The following ANKRD30B variants were observed in gnomAD, a reference collection of about 807,000 sequenced individuals.
The protein encoded by ANKRD30B is ankyrin repeat domain 30B.
In ANKRD30B, 144 loss-of-function variants were observed where a neutral mutation model predicts 202.2. The ratio of observed to expected loss-of-function variants is 0.71; its 90% CI spans 0.62 to 0.82. The LOEUF is 0.82. ANKRD30B is among the 40% of genes least tolerant of loss of function. The probability of loss-of-function intolerance (pLI) is 0.00; values close to 1 mark genes in which losing one functional copy is unlikely to be tolerated. For missense variants in ANKRD30B, 1,487 were observed against 1,669.1 expected (o/e 0.89, Z 1.90); for synonymous variants, 508 against 561.3 (o/e 0.91, Z 1.34).
chr18:14,808,121 G>C (rs1209794210), intron 24 of ANKRD30B, among the ~76,000 whole-genome samples: 1 of 150,526 alleles, frequency 6.6e-6, no homozygotes, highest in Non-Finnish European at 1.5e-5. Flanking sequence ...GCAGTATATT[G>C]ACATAAGAGA....
chr18:14,798,994 C>A (rs1269625883), intron 20 of ANKRD30B, 107 bp from the exon 21 acceptor site: 9 of 1,182,802 alleles, frequency 7.6e-6, no homozygotes, highest in Non-Finnish European at 1.1e-5. Flanking sequence ...AATCCCTTTT[C>A]AATCCAAGCA....
At position 14,778,003 on chromosome 18, in the gene ANKRD30B, G is replaced by T; in HGVS notation, c.1348G>T (p.Ala450Ser). ...LATKIISKSA[A>S]QNYTCLPDAT... Reference sequence around the variant, plus strand: ...TTAACAGATTATCTCTAAGAGTGCTGCACAGAATTATACGTGTTTACCTGA... The same window carrying T: ...TTAACAGATTATCTCTAAGAGTGCTTCACAGAATTATACGTGTTTACCTGA... Residue 450 changes from alanine (A) to serine (S), a missense_variant, in exon 10 of 44, where the codon GCA becomes TCA. Ala to Ser is a moderately conservative substitution (Grantham distance 99, BLOSUM62 1). Coordinates refer to ENST00000690538, the MANE Select transcript of ANKRD30B (RefSeq NM_001367607.2). 6.5e-7 allele frequency: 1 copy of T among 1,547,288 alleles called. No individual in the cohort carries two copies.
intron 7 of ANKRD30B, among the ~76,000 whole-genome samples, chr18:14,766,162 T>C (rs1916101200): frequency 6.6e-6 from 1 of 151,966 alleles, no homozygotes; most frequent in Non-Finnish European, 1.5e-5. Flanking sequence ...GCATTTACAA[T>C]GCTCATGGGG....
At chr18:14,922,574 G>A in the ANKRD30B span, among the ~76,000 whole-genome samples, 1 of 148,864 alleles carries the variant, frequency 6.7e-6, no homozygotes, top group East Asian at 2.0e-4. Context: ...AGAATGGAGT[G>A]AACCTGGGAG....
chr18:14,934,908 C>CCACACA, the ANKRD30B span, among the ~76,000 whole-genome samples: 1,883 of 134,620 alleles, frequency 0.014, 37 homozygotes, highest in African/African-American at 0.036. Context: ...CCTCCCTCTA[C>CCACACA]CACACACACA....
chr18:14,832,224 G>A (rs930147512), intron 34 of ANKRD30B, among the ~76,000 whole-genome samples: 1 of 152,142 alleles, frequency 6.6e-6, no homozygotes, highest in Non-Finnish European at 1.5e-5. Flanking sequence ...TAGAAATTTA[G>A]AAATGTAAAT....
At chr18:14,821,852 A>C (rs1360733716) in intron 30 of ANKRD30B, among the ~76,000 whole-genome samples, 3 of 152,222 alleles carry the variant, frequency 2.0e-5, no homozygotes, top group Non-Finnish European at 2.9e-5. Flanking sequence ...AGAAATATAA[A>C]AATACTCGTA....
intron 36 of ANKRD30B, among the ~76,000 whole-genome samples, chr18:14,838,575 A>G (rs1418627283): frequency 2.6e-5 from 4 of 152,212 alleles, no homozygotes; most frequent in Non-Finnish European, 4.4e-5. Flanking sequence ...TTGCAGCCAC[A>G]TAGGTATCAA....
chr18:14,771,862 G>T (rs1466196318), intron 8 of ANKRD30B, among the ~76,000 whole-genome samples: 2 of 152,132 alleles, frequency 1.3e-5, no homozygotes, highest in Non-Finnish European at 2.9e-5. Flanking sequence ...TATACTCAGG[G>T]TATGCCAATT....
chr18:14,904,448 G>A, the ANKRD30B span, among the ~76,000 whole-genome samples: 1 of 152,146 alleles, frequency 6.6e-6, no homozygotes, highest in African/African-American at 2.4e-5. Flanking sequence ...ACTTTACCAG[G>A]CACACAGGAT....
At chr18:14,789,224 C>A (rs1446190771) in intron 15 of ANKRD30B, among the ~76,000 whole-genome samples, 4 of 152,136 alleles carry the variant, frequency 2.6e-5, no homozygotes, top group Non-Finnish European at 4.4e-5. Flanking sequence ...GTCCTTCACC[C>A]ACTTTTTGAT....
At chr18:14,800,637 C>G (rs1397951825) in intron 22 of ANKRD30B, among the ~76,000 whole-genome samples, 1 of 147,952 alleles carries the variant, frequency 6.8e-6, no homozygotes, top group Admixed American at 6.7e-5. Flanking sequence ...AGTCTTTTTA[C>G]ACTAGTACCA....
the ANKRD30B span, among the ~76,000 whole-genome samples, chr18:14,928,721 T>A: frequency 6.6e-6 from 1 of 152,182 alleles, no homozygotes; most frequent in Non-Finnish European, 1.5e-5. Flanking sequence ...TCCCTCTGCC[T>A]CTCCCTCCTC....
In ANKRD30B at chr18:14,757,949, A is replaced by G. The variant is rs1914642171; in HGVS notation, c.752A>G (p.Asn251Ser). ...AERYAAACGVNYIHQQLLEHI... is the reference protein window; with the variant it reads ...AERYAAACGVSYIHQQLLEHI... Reference sequence around the variant, plus strand: ...CGTTATGCTGCTGCTTGTGGAGTTAATTAGTAAGTGTTTACATTTAAAGGC... The same window carrying G: ...CGTTATGCTGCTGCTTGTGGAGTTAGTTAGTAAGTGTTTACATTTAAAGGC... Residue 251 changes from asparagine to serine, a missense_variant, in exon 5 of 44, where the codon AAT (asparagine) becomes AGT (serine). This residue lies in a region of ANKRD30B where 889 missense variants were observed against 841.4 expected (regional missense o/e 1.06). Coordinates refer to ENST00000690538, the MANE Select transcript of ANKRD30B (RefSeq NM_001367607.2). 6.3e-7 allele frequency: 1 copy of G among 1,587,332 alleles called. No homozygotes were observed. Among genetic ancestry groups the G allele is most frequent in the Admixed American group, 1.8e-5 (1 of 55,166 alleles).
chr18:14,751,440 T>TA (rs1913434500), intron 1 of ANKRD30B, among the ~76,000 whole-genome samples: 1 of 152,054 alleles, frequency 6.6e-6, no homozygotes, highest in African/African-American at 2.4e-5. Flanking sequence ...AAGTGAGAGA[T>TA]TTAAAATTGG....
At chr18:14,791,274 T>G in intron 15 of ANKRD30B, 127 bp from the exon 16 acceptor site, 1 of 732,566 alleles carries the variant, frequency 1.4e-6, no homozygotes, top group Non-Finnish European at 2.3e-6. Context: ...ACGTGTGTAC[T>G]CTTAAGTCGA....
intron 24 of ANKRD30B, among the ~76,000 whole-genome samples, chr18:14,808,098 A>T (rs1483457097): frequency 2.6e-5 from 4 of 150,968 alleles, no homozygotes; most frequent in Admixed American, 2.6e-4. Flanking sequence ...ATTGAAGAAC[A>T]TAATAGCTAC....
Position 14,796,375 on chromosome 18 carries a change from T to C in ANKRD30B, c.1887T>C (p.Asn629=), listed in dbSNP as rs1229656630. The C allele has an allele frequency of 1.3e-6, 2 of 1,567,312 alleles. No homozygotes were observed. The highest frequency in any genetic ancestry group is 1.7e-6 in the Non-Finnish European group (2 of 1,155,036). ...GTGGAAGGAAAGTTTCTCTTCCAAA[T>C]AAAGCCTTAGAATTAAAGGACAGAG... ...PTCGRKVSLP[N]KALELKDRET... Residue 629 remains asparagine (N), a synonymous_variant, in exon 18 of 44, where the codon AAT becomes AAC. Coordinates refer to ENST00000690538, the MANE Select transcript of ANKRD30B (RefSeq NM_001367607.2).
At position 14,852,429 on chromosome 18, in the gene ANKRD30B, C is replaced by T; in HGVS notation, c.4476+9C>T. 4 of 1,512,370 alleles carry T rather than the reference C, an allele frequency of 2.6e-6. No individual in the cohort carries two copies. In the South Asian group the frequency reaches 5.2e-5, roughly 20 times the overall value. 93.7% of individuals were successfully genotyped at this position (1,512,370 alleles called of 1,614,324 possible). ...AGAAAGCAGAAAGAGAAGTAAGTAT[C>T]AAAAAATATAAATACTTTTCAAACT... On this transcript the variant is annotated intron_variant, in intron 42 of 43. Coordinates refer to ENST00000690538, the MANE Select transcript of ANKRD30B (RefSeq NM_001367607.2).
Sources: gnomAD v4.1 joint callset for allele counts (sites outside exome capture counted in the v4.1 genomes callset) on GRCh38, gnomAD v4.1.1 for gene constraint, gnomAD v4.1.1 regional missense constraint, MANE v1.5 for transcripts, NCBI Gene and HGNC (gene_info 2026-07-23, HGNC 2026-07-21) for gene names.